Variants in ZNF385D observed in about 807,000 individuals in gnomAD.
ZNF385D encodes the protein zinc finger protein 659.
A neutral mutation model predicts 35.8 loss-of-function variants in ZNF385D; 15 were observed. The ratio of observed to expected loss-of-function variants is 0.42; its 90% CI spans 0.28 to 0.64. ZNF385D has a LOEUF of 0.64. Among genes scored for constraint, ZNF385D ranks in the 30% least tolerant of loss-of-function variants. The pLI is 0.23. For synonymous variants in ZNF385D, 212 were observed against 186.8 expected (o/e 1.13, Z -1.10); for missense variants, 474 against 494.6 (o/e 0.96, Z 0.39).
intron 3 of ZNF385D, among the ~76,000 whole-genome samples, chr3:21,829,189 T>C (rs1694836142): frequency 6.6e-6 from 1 of 152,178 alleles, no homozygotes; most frequent in Non-Finnish European, 1.5e-5. Context: ...AACAAATTAA[T>C]TGTATAATTT....
intron 1 of ZNF385D, among the ~76,000 whole-genome samples, chr3:21,719,737 T>A (rs1402505195): frequency 6.6e-6 from 1 of 152,148 alleles, no homozygotes; most frequent in Non-Finnish European, 1.5e-5. Context: ...ACTGGAACTC[T>A]CTCTCTCAGA....
chr3:21,797,923 T>C (rs1009153790), intron 3 of ZNF385D, among the ~76,000 whole-genome samples: 1 of 152,162 alleles, frequency 6.6e-6, no homozygotes, highest in Admixed American at 6.5e-5. Flanking sequence ...GCCATAACCA[T>C]GGAAATATAC....
chr3:21,838,148 G>A (rs2630769), intron 3 of ZNF385D, among the ~76,000 whole-genome samples: 63,802 of 151,886 alleles, frequency 0.42, 13,986 homozygotes, highest in African/African-American at 0.56. Context: ...AACAGTGTTT[G>A]GAAGAACAGG....
At chr3:21,999,711 A>G (rs1695714742) in intron 3 of ZNF385D, among the ~76,000 whole-genome samples, 1 of 151,970 alleles carries the variant, frequency 6.6e-6, no homozygotes, top group East Asian at 1.9e-4. Context: ...AAAATAGACT[A>G]GATTAAGCAG....
At chr3:22,354,120 A>C (rs1181210444) in intron 2 of ZNF385D, among the ~76,000 whole-genome samples, 1 of 152,102 alleles carries the variant, frequency 6.6e-6, no homozygotes, top group Non-Finnish European at 1.5e-5. Flanking sequence ...TGAATGTGGA[A>C]AGAGAAACAT....
chr3:22,286,824 T>G (rs1702049184), intron 2 of ZNF385D, among the ~76,000 whole-genome samples: 1 of 152,118 alleles, frequency 6.6e-6, no homozygotes, highest in Admixed American at 6.6e-5. Flanking sequence ...ATCATCCACG[T>G]GCACATGAGA....
intron 3 of ZNF385D, among the ~76,000 whole-genome samples, chr3:21,858,376 G>C (rs537179756): frequency 6.6e-6 from 1 of 151,840 alleles, no homozygotes; most frequent in South Asian, 2.1e-4. Flanking sequence ...ATGTGCTATG[G>C]TCTGAATGTT....
chr3:21,943,188 T>C (rs1261898182), intron 3 of ZNF385D, among the ~76,000 whole-genome samples: 3 of 151,974 alleles, frequency 2.0e-5, no homozygotes, highest in Admixed American at 6.6e-5. Flanking sequence ...TAGCTTATAG[T>C]GAAAAAAGGC....
intron 3 of ZNF385D, among the ~76,000 whole-genome samples, chr3:22,005,700 T>C (rs1326888982): frequency 6.6e-6 from 1 of 152,096 alleles, no homozygotes; most frequent in Non-Finnish European, 1.5e-5. Flanking sequence ...GGAACTGTCC[T>C]CTTTAAGCTT....
At chr3:21,807,454 A>G (rs1205705378) in intron 3 of ZNF385D, among the ~76,000 whole-genome samples, 1 of 152,158 alleles carries the variant, frequency 6.6e-6, no homozygotes, top group African/African-American at 2.4e-5. Flanking sequence ...TGACTCGCCA[A>G]GTTTAAAAGT....
Position 22,344,183 on chromosome 3 carries a change from T to C in ZNF385D, c.106+28267A>G, listed in dbSNP as rs942984349. Among the ~76,000 whole-genome samples, 5 of 151,240 alleles carry C rather than the reference T, an allele frequency of 3.3e-5. No individual in the cohort carries two copies. In the East Asian group the frequency reaches 7.8e-4, roughly 23 times the overall value. ...CATGGGTAGGGTGGGGTGGGGTGTG[T>C]GTGTGTGTGTGTGTGTGTGTGTGAA... On this transcript the variant is annotated intron_variant, in intron 2 of 5. Transcript: ENST00000494108.
At chr3:22,137,958 C>T (rs1423194748) in intron 3 of ZNF385D, among the ~76,000 whole-genome samples, 3 of 152,126 alleles carry the variant, frequency 2.0e-5, no homozygotes, top group Non-Finnish European at 2.9e-5. Flanking sequence ...AGCTGATAAG[C>T]AACTTCAGCA....
At chr3:22,197,047 C>T (rs1029320821) in intron 2 of ZNF385D, among the ~76,000 whole-genome samples, 2 of 151,960 alleles carry the variant, frequency 1.3e-5, no homozygotes, top group Non-Finnish European at 2.9e-5. Context: ...ATTTGGCTTC[C>T]AATTTTTCTG....
chr3:22,261,969 C>T (rs971822022), intron 2 of ZNF385D, among the ~76,000 whole-genome samples: 4 of 151,862 alleles, frequency 2.6e-5, no homozygotes, highest in Admixed American at 1.3e-4. Context: ...GAGTGTGCCA[C>T]CTGCTTCTTT....
chr3:21,682,770 T>G (rs2066959283), intron 1 of ZNF385D, among the ~76,000 whole-genome samples: 1 of 149,872 alleles, frequency 6.7e-6, no homozygotes, highest in Non-Finnish European at 1.5e-5. Flanking sequence ...TAATTAATAT[T>G]TAAGCTTTGT....
chr3:22,268,656 G>C (rs534020421), intron 2 of ZNF385D, among the ~76,000 whole-genome samples: 1 of 152,196 alleles, frequency 6.6e-6, no homozygotes, highest in African/African-American at 2.4e-5. Context: ...GCACAGAAGA[G>C]AGCAGGAAGT....
At position 21,445,721 on chromosome 3, in the gene ZNF385D, G is replaced by A. The variant is rs151041882; in HGVS notation, c.440-8518C>T. ...CAGACTGTTGGTAATTGATAAACAC[G>A]GATGCTGCTGCCATCAAATTTGTTA... is the stretch of plus-strand genomic sequence containing the variant. On this transcript the variant is annotated intron_variant, in intron 4 of 7. Transcript: ENST00000281523. Among the ~76,000 whole-genome samples, 1,023 of 152,136 alleles carry A rather than the reference G, an allele frequency of 6.7e-3. 33 individuals carry two copies. The highest frequency in any genetic ancestry group is 0.052 in the Admixed American group (795 of 15,288).
Position 22,265,437 on chromosome 3 carries a change from A to G in ZNF385D, c.107-96402T>C, listed in dbSNP as rs76221457. 3.3e-3 allele frequency among the ~76,000 whole-genome samples: 505 copies of G among 152,142 alleles called. 4 individuals are homozygous for G. Among genetic ancestry groups the G allele is most frequent in the African/African-American group, 0.012 (483 of 41,556 alleles). On this transcript the variant is annotated intron_variant, in intron 2 of 5. Coordinates refer to the ZNF385D transcript ENST00000494108. Reference sequence around the variant, plus strand: ...TTAAATGAACTCTTTGTATCTAAATAATAAACATTTACAGAGCAGAAACAT... The same window carrying G: ...TTAAATGAACTCTTTGTATCTAAATGATAAACATTTACAGAGCAGAAACAT...
intron 2 of ZNF385D, among the ~76,000 whole-genome samples, chr3:22,226,242 C>T (rs531425891): frequency 3.3e-5 from 5 of 152,200 alleles, no homozygotes; most frequent in African/African-American, 1.2e-4. Flanking sequence ...ACTTTTACCA[C>T]AGCTGGACAC....
Sources: gnomAD v4.1 joint callset for allele counts (sites outside exome capture counted in the v4.1 genomes callset) on GRCh38, gnomAD v4.1.1 for gene constraint, MANE v1.5 for transcripts, NCBI Gene and HGNC (gene_info 2026-07-23, HGNC 2026-07-21) for gene names.